PDS5A: variants seen among roughly 807,000 people sequenced by gnomAD.
PDS5A encodes sister chromatid cohesion protein PDS5 homolog A.
PDS5A carries 42 observed loss-of-function variants against 167.1 expected under a neutral mutation model. The observed-to-expected ratio is 0.25, with a 90% CI of 0.20 to 0.33. The LOEUF (loss-of-function observed/expected upper bound fraction) is 0.33. Among genes scored for constraint, PDS5A ranks in the 10% least tolerant of loss-of-function variants. PDS5A has a pLI of 1.00. For missense variants in PDS5A, 1,033 were observed against 1,605.9 expected (o/e 0.64, Z 6.10); for synonymous variants, 553 against 554.6 (o/e 1.00, Z 0.04).
intron 21 of PDS5A, 79 bp downstream of exon 21, chr4:39,872,907 G>T: frequency 1.4e-6 from 1 of 696,862 alleles, no homozygotes; most frequent in Non-Finnish European, 2.2e-6. Flanking sequence ...GAATTACACA[G>T]AAACAGAAGT....
intron 17 of PDS5A, among the ~76,000 whole-genome samples, chr4:39,881,549 T>TA (rs1440794712): frequency 6.6e-5 from 10 of 152,236 alleles, no homozygotes; most frequent in African/African-American, 2.4e-4. Flanking sequence ...AACATTAACT[T>TA]AAAGTATAAT....
In PDS5A at chr4:39,927,980, G is replaced by C. The variant is rs372683118; in HGVS notation, c.323C>G (p.Thr108Ser). Reference sequence around the variant, plus strand: ...ATTTACCTTAAGTTTATCATGGGAAGTATATGGAGCTTCTGGGGCATAGAT... The same window carrying C: ...ATTTACCTTAAGTTTATCATGGGAACTATATGGAGCTTCTGGGGCATAGAT... ...FRIYAPEAPY[T>S]SHDKLKDIFL... The change falls in exon 3 of 33, where the codon ACT becomes AGT. Residue 108 changes from threonine (T) to serine (S), a missense_variant. Thr to Ser is a moderately conservative substitution (Grantham distance 58). Coordinates refer to ENST00000303538, the MANE Select transcript of PDS5A (RefSeq NM_001100399.2). 1.7e-5 allele frequency: 27 copies of C among 1,612,616 alleles called. No homozygotes were observed. Among genetic ancestry groups the C allele is most frequent in the Non-Finnish European group, 2.0e-5 (24 of 1,178,758 alleles).
At chr4:39,853,489 T>A (rs574895311) in intron 26 of PDS5A, among the ~76,000 whole-genome samples, 14 of 152,236 alleles carry the variant, frequency 9.2e-5, no homozygotes, top group Non-Finnish European at 1.8e-4. Flanking sequence ...TCATATCTAA[T>A]TCTGTCACCC....
intron 2 of PDS5A, among the ~76,000 whole-genome samples, chr4:39,936,453 A>T (rs1204539480): frequency 1.1e-5 from 1 of 88,184 alleles, no homozygotes; most frequent in Non-Finnish European, 2.9e-5. Flanking sequence ...TTATTTATCT[A>T]TTTGAGACAG....
chr4:39,959,260 T>C (rs1578829255), intron 2 of PDS5A, among the ~76,000 whole-genome samples: 1 of 152,216 alleles, frequency 6.6e-6, no homozygotes, highest in Non-Finnish European at 1.5e-5. Context: ...CAAATCACAA[T>C]GCCACTACTT....
At chr4:39,898,852 A>G in intron 14 of PDS5A, 27 bp from the exon 15 acceptor site, 1 of 1,507,814 alleles carries the variant, frequency 6.6e-7, no homozygotes, top group South Asian at 1.2e-5. Flanking sequence ...AAACAAAAGA[A>G]CAACTAGTCA....
At chr4:39,895,867 G>A (rs1431081247) in intron 16 of PDS5A, among the ~76,000 whole-genome samples, 8 of 151,362 alleles carry the variant, frequency 5.3e-5, no homozygotes, top group Admixed American at 1.3e-4. Context: ...ACAGGCGCCC[G>A]CCACCATGCT....
At chr4:39,884,546 G>A (rs973241468) in intron 17 of PDS5A, among the ~76,000 whole-genome samples, 2 of 152,148 alleles carry the variant, frequency 1.3e-5, no homozygotes, top group African/African-American at 4.8e-5. Flanking sequence ...CACAGAAACT[G>A]CTCTGTTCAT....
intron 2 of PDS5A, among the ~76,000 whole-genome samples, chr4:39,937,357 A>G (rs976751864): frequency 6.6e-6 from 1 of 151,852 alleles, no homozygotes; most frequent in Non-Finnish European, 1.5e-5. Context: ...TAATTTAAAT[A>G]TGTCCAAATT....
intron 16 of PDS5A, among the ~76,000 whole-genome samples, chr4:39,891,686 A>G (rs570575590): frequency 6.6e-6 from 1 of 152,234 alleles, no homozygotes; most frequent in Non-Finnish European, 1.5e-5. Context: ...ATATATATAT[A>G]TACTTGCAAA....
At chr4:39,873,547 C>T (rs1162244581) in intron 20 of PDS5A, among the ~76,000 whole-genome samples, 1 of 151,972 alleles carries the variant, frequency 6.6e-6, no homozygotes, top group East Asian at 1.9e-4. Flanking sequence ...GTCACACTAT[C>T]TCCAATTTAT....
chr4:39,918,236 G>C (rs1190130173), intron 7 of PDS5A, among the ~76,000 whole-genome samples: 1 of 148,454 alleles, frequency 6.7e-6, no homozygotes, highest in Non-Finnish European at 1.5e-5. Context: ...GTAATAAAGA[G>C]TATTTAAAGC....
chr4:39,910,171 G>A (rs1723769973), intron 10 of PDS5A, 73 bp downstream of exon 10: 1 of 727,590 alleles, frequency 1.4e-6, no homozygotes, highest in Admixed American at 2.3e-5. Context: ...GGAAAGTGAA[G>A]TTAGGTCACA....
intron 30 of PDS5A, 85 bp downstream of exon 30, chr4:39,844,571 A>G (rs748888029): frequency 4.3e-5 from 42 of 974,212 alleles, no homozygotes; most frequent in Non-Finnish European, 6.5e-5. Context: ...ATGACAGAAG[A>G]CCATTTTATG....
intron 2 of PDS5A, chr4:39,933,057 A>T (rs1051891366): frequency 2.6e-5 from 4 of 152,086 alleles, no homozygotes; most frequent in Non-Finnish European, 4.4e-5. Context: ...AGTCCCAGCT[A>T]CTCGGGAGGA....
chr4:39,962,279 A>G (rs1207555842), intron 2 of PDS5A, among the ~76,000 whole-genome samples: 3 of 151,288 alleles, frequency 2.0e-5, no homozygotes, highest in African/African-American at 7.3e-5. Flanking sequence ...GATGGTCTTG[A>G]TCTCCTGACC....
intron 2 of PDS5A, among the ~76,000 whole-genome samples, chr4:39,971,782 C>T (rs549978): frequency 0.7 from 105,952 of 151,994 alleles, 38,504 homozygotes; most frequent in Middle Eastern, 0.85. Flanking sequence ...TGTGTTTGTA[C>T]AGCATTTCAA....
At chr4:39,857,705 G>A (rs1470925343) in intron 26 of PDS5A, among the ~76,000 whole-genome samples, 1 of 152,116 alleles carries the variant, frequency 6.6e-6, no homozygotes, top group Admixed American at 6.5e-5. Context: ...AAATGTGACT[G>A]TAATAAATAT....
chr4:39,914,372 G>A (rs1724166637), intron 8 of PDS5A, among the ~76,000 whole-genome samples: 1 of 151,898 alleles, frequency 6.6e-6, no homozygotes, highest in African/African-American at 2.4e-5. Context: ...ATCTTGGCCA[G>A]GCTGGTCTCG....
Sources: allele counts gnomAD v4.1 joint callset (sites outside exome capture counted in the v4.1 genomes callset), GRCh38; gene constraint gnomAD v4.1.1; transcripts MANE v1.5; gene names NCBI Gene and HGNC (gene_info 2026-07-23, HGNC 2026-07-21).